MIR2052HG: variants seen among roughly 807,000 people sequenced by gnomAD.
The protein encoded by MIR2052HG is MIR2052 host gene.
chr8:74,649,481 G>A (rs1808730129), intron 2 of MIR2052HG, among the ~76,000 whole-genome samples: 1 of 151,922 alleles, frequency 6.6e-6, no homozygotes, highest in Non-Finnish European at 1.5e-5. Flanking sequence ...TGTTGATCAT[G>A]GTCTTTCAAA....
chr8:74,742,692 C>T (rs1307770696), intron 4 of MIR2052HG, among the ~76,000 whole-genome samples: 1 of 152,104 alleles, frequency 6.6e-6, no homozygotes, highest in Admixed American at 6.6e-5. Context: ...TGCATGCTTC[C>T]CTGGAATTGC....
chr8:74,652,603 T>G (rs939109350), intron 2 of MIR2052HG, among the ~76,000 whole-genome samples: 3 of 152,208 alleles, frequency 2.0e-5, no homozygotes, highest in African/African-American at 7.2e-5. Flanking sequence ...TATCATGACC[T>G]TTGATATAAA....
At chr8:74,666,367 A>T (rs985076450) in intron 2 of MIR2052HG, among the ~76,000 whole-genome samples, 6 of 152,244 alleles carry the variant, frequency 3.9e-5, no homozygotes, top group African/African-American at 1.4e-4. Context: ...ACCCATCTAA[A>T]GTAACCACCA....
chr8:74,711,019 G>C (rs1479396427), intron 4 of MIR2052HG, among the ~76,000 whole-genome samples: 3 of 152,188 alleles, frequency 2.0e-5, no homozygotes, highest in Non-Finnish European at 4.4e-5. Flanking sequence ...TGCCTTGACA[G>C]GGCTCAGTAG....
intron 4 of MIR2052HG, among the ~76,000 whole-genome samples, chr8:74,737,788 GT>G (rs982408504): frequency 6.6e-6 from 1 of 152,018 alleles, no homozygotes; most frequent in African/African-American, 2.4e-5. Flanking sequence ...TCAGACTTTT[GT>G]TTTTGTTTGT....
chr8:74,744,315 TTTTATTTA>T (rs913929092), intron 4 of MIR2052HG, among the ~76,000 whole-genome samples: 2 of 151,740 alleles, frequency 1.3e-5, no homozygotes, highest in African/African-American at 2.4e-5. Context: ...GTCTCACTAT[TTTTATTTA>T]TTTATTTATT....
chr8:74,695,008 C>A lies in MIR2052HG; in HGVS notation n.217-7371C>A, dbSNP rs564429594. Among the ~76,000 whole-genome samples, 38 of 152,184 alleles carry A rather than the reference C, an allele frequency of 2.5e-4. No individual in the cohort carries two copies. In the East Asian group the frequency reaches 7.4e-3, roughly 29 times the overall value. Reference sequence around the variant, plus strand: ...GAAGTTCATTGCAAAAAGTTAATAACCTATGCACGTAGTCATCAGGTTATC... The same window carrying A: ...GAAGTTCATTGCAAAAAGTTAATAAACTATGCACGTAGTCATCAGGTTATC... On this transcript the variant is annotated intron_variant and non_coding_transcript_variant, in intron 2 of 6. Coordinates refer to ENST00000523442, the Ensembl canonical transcript of MIR2052HG.
chr8:74,719,470 G>A (rs1046061472), intron 4 of MIR2052HG, among the ~76,000 whole-genome samples: 1 of 152,148 alleles, frequency 6.6e-6, no homozygotes, highest in Non-Finnish European at 1.5e-5. Context: ...TTGGAGGTCT[G>A]GGTGTTGCTT....
intron 2 of MIR2052HG, among the ~76,000 whole-genome samples, chr8:74,648,715 G>A (rs1014451625): frequency 2.0e-5 from 3 of 152,136 alleles, no homozygotes; most frequent in African/African-American, 7.2e-5. Context: ...AATATTGGGG[G>A]CTGGTTCCCC....
chr8:74,630,282 C>A (rs1317870347), intron 2 of MIR2052HG, among the ~76,000 whole-genome samples: 1 of 152,058 alleles, frequency 6.6e-6, no homozygotes, highest in Non-Finnish European at 1.5e-5. Context: ...AATCAATGGA[C>A]TGAAAATGAA....
intron 2 of MIR2052HG, among the ~76,000 whole-genome samples, chr8:74,695,777 A>G (rs1331414617): frequency 6.6e-6 from 1 of 152,168 alleles, no homozygotes; most frequent in African/African-American, 2.4e-5. Flanking sequence ...AAATATCACA[A>G]TCCTAAATAT....
chr8:74,738,901 T>C (rs1193795390), intron 4 of MIR2052HG, among the ~76,000 whole-genome samples: 1 of 152,156 alleles, frequency 6.6e-6, no homozygotes, highest in Non-Finnish European at 1.5e-5. Context: ...ATGTTGGCCA[T>C]TAGGAGATGA....
At chr8:74,609,723 TATAATAATAAATAAATA>T (rs1425140265) in intron 1 of MIR2052HG, 1 of 149,032 alleles carries the variant, frequency 6.7e-6, no homozygotes, top group African/African-American at 2.4e-5. Flanking sequence ...GTATTTTATT[TATAATAATAAATAAATA>T]ATAATAATAA....
intron 2 of MIR2052HG, among the ~76,000 whole-genome samples, chr8:74,646,385 A>T (rs575622250): frequency 6.6e-6 from 1 of 152,216 alleles, no homozygotes; most frequent in Non-Finnish European, 1.5e-5. Context: ...GTTATAATCC[A>T]TACTGGTGTT....
chr8:74,708,342 G>T (rs1218013378), intron 4 of MIR2052HG, among the ~76,000 whole-genome samples: 2 of 152,110 alleles, frequency 1.3e-5, no homozygotes, highest in Non-Finnish European at 2.9e-5. Flanking sequence ...AGAAATAGCG[G>T]GGCATTCCAG....
intron 2 of MIR2052HG, among the ~76,000 whole-genome samples, chr8:74,646,366 G>C (rs1808689943): frequency 6.6e-6 from 1 of 152,194 alleles, no homozygotes; most frequent in Non-Finnish European, 1.5e-5. Flanking sequence ...AAAGTTTTAA[G>C]ACACAGGAGT....
intron 1 of MIR2052HG, among the ~76,000 whole-genome samples, chr8:74,604,423 G>GC (rs1302234977): frequency 7.6e-6 from 1 of 130,988 alleles, no homozygotes; most frequent in African/African-American, 2.9e-5. Flanking sequence ...GTGAGGGGGG[G>GC]CCCCGCGGGC....
At chr8:74,603,858 A>G (rs1425526762) in intron 1 of MIR2052HG, 1 of 923,960 alleles carries the variant, frequency 1.1e-6, no homozygotes, top group Non-Finnish European at 1.8e-6. Flanking sequence ...TCTAGACCTG[A>G]GCCCCTGTAC....
chr8:74,728,040 G>A (rs770581513), intron 4 of MIR2052HG, among the ~76,000 whole-genome samples: 8 of 152,180 alleles, frequency 5.3e-5, no homozygotes, highest in Non-Finnish European at 1.0e-4. Context: ...ACAGTACTAG[G>A]CAAGAGCATA....
Sources: gnomAD v4.1 joint callset for allele counts (sites outside exome capture counted in the v4.1 genomes callset) on GRCh38, gnomAD v4.1.1 for gene constraint, MANE v1.5 for transcripts, NCBI Gene and HGNC (gene_info 2026-07-23, HGNC 2026-07-21) for gene names.